ACTR3C: variants seen among roughly 807,000 people sequenced by gnomAD.
ACTR3C encodes the protein actin-related protein 3C.
In ACTR3C, 18 loss-of-function variants were observed where a neutral mutation model predicts 26.3. That is an observed-to-expected ratio of 0.68 (90% CI 0.47 to 1.01). ACTR3C has a LOEUF of 1.01. Ranked by LOEUF, ACTR3C falls within the 50% of genes least tolerant of loss-of-function variation. The pLI is 0.00. For missense variants in ACTR3C, 184 were observed against 250.7 expected (o/e 0.73, Z 1.80); for synonymous variants, 55 against 94.5 (o/e 0.58, Z 2.42).
At chr7:150,079,569 T>C in the ACTR3C span, among the ~76,000 whole-genome samples, 14 of 152,148 alleles carry the variant, frequency 9.2e-5, no homozygotes, top group Non-Finnish European at 1.9e-4. Context: ...AGCCCTGTGG[T>C]CCTCCGTTGG....
chr7:150,138,923 T>C, the ACTR3C span, among the ~76,000 whole-genome samples: 3 of 152,302 alleles, frequency 2.0e-5, no homozygotes, highest in Admixed American at 6.5e-5. Context: ...CAGCTCCTTA[T>C]GAGAATCCAA....
chr7:150,315,162 C>T (rs1796741740), intron 1 of ACTR3C, among the ~76,000 whole-genome samples: 1 of 147,816 alleles, frequency 6.8e-6, no homozygotes. Flanking sequence ...TTTAAAAATA[C>T]ATACAAGTGA....
the ACTR3C span, among the ~76,000 whole-genome samples, chr7:150,100,479 G>A: frequency 4.6e-5 from 7 of 151,606 alleles, no homozygotes; most frequent in Non-Finnish European, 8.8e-5. Context: ...TTGCATCTGC[G>A]AAAGAATATT....
the ACTR3C span, among the ~76,000 whole-genome samples, chr7:149,937,203 CAAA>C: frequency 1.1e-5 from 1 of 87,478 alleles, no homozygotes; most frequent in Non-Finnish European, 2.3e-5. Context: ...CTTTGTGCTA[CAAA>C]TTCTTTATGC....
At chr7:149,924,480 AAAT>A in the ACTR3C span, among the ~76,000 whole-genome samples, 1 of 152,222 alleles carries the variant, frequency 6.6e-6, no homozygotes, top group Admixed American at 6.5e-5. Context: ...ATCAGGAATA[AAAT>A]AATAATGCCC....
At chr7:150,045,582 T>C in the ACTR3C span, among the ~76,000 whole-genome samples, 2 of 144,962 alleles carry the variant, frequency 1.4e-5, no homozygotes, top group Non-Finnish European at 3.0e-5. Context: ...AAAAAAAGCA[T>C]GTCAGGACTT....
chr7:150,130,158 C>T, the ACTR3C span, among the ~76,000 whole-genome samples: 1 of 152,088 alleles, frequency 6.6e-6, no homozygotes, highest in African/African-American at 2.4e-5. Flanking sequence ...TTTATACCAT[C>T]TAAAAAATTT....
intron 6 of ACTR3C, among the ~76,000 whole-genome samples, chr7:150,259,170 A>G (rs1178079037): frequency 2.0e-5 from 3 of 152,008 alleles, no homozygotes; most frequent in Non-Finnish European, 2.9e-5. Context: ...TTTTCAGAAT[A>G]TCTTCACAAA....
the ACTR3C span, among the ~76,000 whole-genome samples, chr7:150,171,806 A>T: frequency 1.4e-5 from 2 of 145,754 alleles, no homozygotes; most frequent in South Asian, 4.1e-4. Flanking sequence ...GCATCACTAT[A>T]GATTCTATTC....
the ACTR3C span, among the ~76,000 whole-genome samples, chr7:150,174,649 T>C: frequency 7.1e-6 from 1 of 139,914 alleles, no homozygotes; most frequent in African/African-American, 3.2e-5. Flanking sequence ...ACAAATTTGT[T>C]GAAAGACAAA....
the ACTR3C span, among the ~76,000 whole-genome samples, chr7:150,209,638 G>A: frequency 1.3e-5 from 2 of 150,214 alleles, no homozygotes; most frequent in South Asian, 2.1e-4. Context: ...CCAGCACTTC[G>A]GAGGCCAAGG....
At chr7:150,315,793 TA>T (rs1355108889) in intron 1 of ACTR3C, among the ~76,000 whole-genome samples, 1 of 151,928 alleles carries the variant, frequency 6.6e-6, no homozygotes, top group Non-Finnish European at 1.5e-5. Context: ...CTCCCCTTTT[TA>T]ATAAAAACAC....
At chr7:150,180,992 G>A in the ACTR3C span, among the ~76,000 whole-genome samples, 1 of 151,412 alleles carries the variant, frequency 6.6e-6, no homozygotes, top group Non-Finnish European at 1.5e-5. Context: ...TTTCTAGTCA[G>A]ATGTCATTAA....
the ACTR3C span, among the ~76,000 whole-genome samples, chr7:149,946,376 C>T: frequency 6.6e-6 from 1 of 152,218 alleles, no homozygotes; most frequent in Non-Finnish European, 1.5e-5. Flanking sequence ...GCCCTCGGGC[C>T]TTTCTTTCCT....
At chr7:150,040,342 T>C in the ACTR3C span, among the ~76,000 whole-genome samples, 1 of 147,856 alleles carries the variant, frequency 6.8e-6, no homozygotes, top group African/African-American at 2.6e-5. Context: ...ACGCATACAA[T>C]GGAAAAGGCT....
chr7:150,286,309 C>G (rs1204368927), intron 5 of ACTR3C, 58 bp downstream of exon 5: 15 of 1,570,326 alleles, frequency 9.6e-6, no homozygotes, highest in Admixed American at 1.8e-5. Flanking sequence ...TTTCTACACT[C>G]TGGGTGGCAG....
At chr7:150,241,855 A>C (rs199822905), downstream of ACTR3C, among the ~76,000 whole-genome samples, 28,774 of 152,008 alleles carry the variant, frequency 0.19, 4,694 homozygotes, top group African/African-American at 0.44. Context: ...TATGAATGGC[A>C]AATGAGCACA....
chr7:150,006,892 T>A, the ACTR3C span, among the ~76,000 whole-genome samples: 1 of 152,336 alleles, frequency 6.6e-6, no homozygotes, highest in East Asian at 1.9e-4. Flanking sequence ...AATAGGCATA[T>A]CCACATATTA....
At chr7:149,981,999 A>G in the ACTR3C span, among the ~76,000 whole-genome samples, 8 of 152,238 alleles carry the variant, frequency 5.3e-5, no homozygotes, top group African/African-American at 1.9e-4. Flanking sequence ...TACAGCCAGC[A>G]TGTAGCACAG....
Sources: allele counts gnomAD v4.1 joint callset (sites outside exome capture counted in the v4.1 genomes callset), GRCh38; gene constraint gnomAD v4.1.1; transcripts MANE v1.5; gene names NCBI Gene and HGNC (gene_info 2026-07-23, HGNC 2026-07-21).